TAP1: variants seen among roughly 807,000 people sequenced by gnomAD.
The protein encoded by TAP1 is transporter 1, ATP binding cassette subfamily B member.
TAP1 carries 56 observed loss-of-function variants against 79.3 expected under a neutral mutation model. The observed-to-expected ratio is 0.71, with a 90% CI of 0.57 to 0.88. The LOEUF is 0.88. Ranked by LOEUF, TAP1 falls within the 40% of genes least tolerant of loss-of-function variation. The pLI is 0.00. For synonymous variants in TAP1, 355 were observed against 401.4 expected (o/e 0.88, Z 1.38); for missense variants, 737 against 936.3 (o/e 0.79, Z 2.78).
chr6:32,850,795 C>T lies in TAP1; in HGVS notation c.1050+149G>A. The stretch of plus-strand genomic sequence containing the variant: ...AGGTTAATGTTGAGCAACCTGGGAA[C>T]ATGGACCACAGGGACAGGGTGTTCC... On this transcript the variant is annotated intron_variant, in intron 4 of 10. Transcript: ENST00000354258. This position sits in a 1 kb window ranked among gnomAD's most constrained non-coding sequence, Gnocchi z 5.5. 1 of 834,776 alleles carries T rather than the reference C, an allele frequency of 1.2e-6. No individual in the cohort carries two copies. The highest frequency in any genetic ancestry group is 2.0e-6 in the Non-Finnish European group (1 of 491,322). The allele number at this position is 834,776 out of a possible 1,614,324, so 51.7% of individuals were successfully genotyped here. A position where few individuals can be genotyped will look rare whatever the true frequency, so the allele number is the denominator to read the frequency against.
At chr6:32,848,189 G>T (rs17213819) in intron 7 of TAP1, 97 bp from the exon 8 acceptor site, 1 of 1,450,016 alleles carries the variant, frequency 6.9e-7, no homozygotes, top group Non-Finnish European at 9.4e-7. Flanking sequence ...TACCCCAGAA[G>T]AAAAACAGGG....
chr6:32,846,546 G>A (rs909910701), intron 10 of TAP1: 9 of 215,230 alleles, frequency 4.2e-5, no homozygotes, highest in Non-Finnish European at 7.6e-5. Flanking sequence ...AGGACTGGGC[G>A]CAGTGGCTCA....
intron 10 of TAP1, among the ~76,000 whole-genome samples, chr6:32,846,711 C>T (rs757245107): frequency 8.6e-5 from 13 of 151,538 alleles, no homozygotes; most frequent in Non-Finnish European, 1.9e-4. Context: ...CCCAGCTACT[C>T]GGGAGGCTGA....
chr6:32,852,909 A>G lies in TAP1; in HGVS notation c.598+130T>C. The G allele has an allele frequency of 4.1e-6, 6 of 1,467,456 alleles. No individual in the cohort carries two copies. In the South Asian group the frequency reaches 8.1e-5, roughly 20 times the overall value. 90.9% of individuals were successfully genotyped at this position (1,467,456 alleles called of 1,614,324 possible). On this transcript the variant is annotated intron_variant, in intron 1 of 10. Coordinates refer to ENST00000354258, the MANE Select transcript of TAP1 (RefSeq NM_000593.6). This position sits in a 1 kb window ranked among gnomAD's most constrained non-coding sequence, Gnocchi z 4.8. Reference sequence around the variant, plus strand: ...TTCTACACCGAAGTGGTGTTCCAAGACCCACGCTAGGAGTCCTTCTCCTGC... The same window carrying G: ...TTCTACACCGAAGTGGTGTTCCAAGGCCCACGCTAGGAGTCCTTCTCCTGC...
At chr6:32,848,534 C>A in intron 7 of TAP1, 118 bp downstream of exon 7, 1 of 1,171,166 alleles carries the variant, frequency 8.5e-7, no homozygotes, top group Non-Finnish European at 1.3e-6. Context: ...CTACCATTGC[C>A]TTTAAAGGGT....
Position 32,853,023 on chromosome 6 carries a change from C to A in TAP1, c.598+16G>T, listed in dbSNP as rs1770889686. ...GTCCCCTTGTGTCCTCCCCTCTTGC[C>A]CTGCGTTCCCCTTACCAAGAGAGGA... is the stretch of plus-strand genomic sequence containing the variant. On this transcript the variant is annotated intron_variant, in intron 1 of 10. Transcript: ENST00000354258. The surrounding 1 kb of genome is among the most constrained non-coding windows in gnomAD (Gnocchi z 8.3). 1 of 1,609,030 alleles carries A rather than the reference C, an allele frequency of 6.2e-7. No homozygotes were observed. The highest frequency in any genetic ancestry group is 1.3e-5 in the African/African-American group (1 of 74,922).
At position 32,853,000 on chromosome 6, in the gene TAP1, C is replaced by G. The variant is rs1770887356; in HGVS notation, c.598+39G>C. 1 of 1,583,300 alleles carries G rather than the reference C, an allele frequency of 6.3e-7. No homozygotes were observed. On this transcript the variant is annotated intron_variant, in intron 1 of 10. Coordinates refer to ENST00000354258, the MANE Select transcript of TAP1 (RefSeq NM_000593.6). The surrounding 1 kb of genome is among the most constrained non-coding windows in gnomAD (Gnocchi z 4.8). ...AATTACCTTTGATTCCTGTCCCAGT[C>G]CCCTTGTGTCCTCCCCTCTTGCCCT...
chr6:32,846,967 G>A (rs1770460136), intron 10 of TAP1, 101 bp downstream of exon 10: 13 of 1,566,766 alleles, frequency 8.3e-6, no homozygotes, highest in Non-Finnish European at 1.1e-5. Context: ...AGAACTGCAA[G>A]GACTGGTTTG....
chr6:32,848,011 G>A lies in TAP1; in HGVS notation c.1648C>T (p.Leu550=), dbSNP rs776084905. The A allele has an allele frequency of 1.2e-6, 2 of 1,613,096 alleles. No homozygotes were observed. The highest frequency in any genetic ancestry group is 1.7e-6 in the Non-Finnish European group (2 of 1,180,032). Reference sequence around the variant, plus strand: ...GTGGGCTGGTACAGATTCTGCAGCAGGGCAGCCACTGTGCTCTTCCCAGAC... The same window carrying A: ...GTGGGCTGGTACAGATTCTGCAGCAAGGCAGCCACTGTGCTCTTCCCAGAC... ...NGSGKSTVAA[L]LQNLYQPTGG... Residue 550 remains leucine, a synonymous_variant, in exon 8 of 11, where the codon CTG becomes TTG. Transcript: ENST00000354258.
At chr6:32,848,934 T>A in intron 6 of TAP1, 56 bp downstream of exon 6, 1 of 1,612,636 alleles carries the variant, frequency 6.2e-7, no homozygotes, top group South Asian at 1.1e-5. Context: ...ATCACACAGA[T>A]GGTGCTGGGC....
chr6:32,850,175 G>T lies in TAP1; in HGVS notation c.1248+145C>A. 4 of 814,748 alleles carry T rather than the reference G, an allele frequency of 4.9e-6. No individual in the cohort carries two copies. The highest frequency in any genetic ancestry group is 8.3e-6 in the Non-Finnish European group (4 of 481,498). 50.5% of individuals were successfully genotyped at this position (814,748 alleles called of 1,614,324 possible). ...GAGGGGGCTAGGGACACTGAGTAGA[G>T]TCATTGAGCCTCAGGTTGCTAGGAC... On this transcript the variant is annotated intron_variant, in intron 5 of 10. Transcript: ENST00000354258. The surrounding 1 kb of genome is among the most constrained non-coding windows in gnomAD (Gnocchi z 5.5).
In TAP1 at chr6:32,850,398, A is replaced by C; in HGVS notation, c.1170T>G (p.Phe390Leu). 3 of 1,614,232 alleles carry C rather than the reference A, an allele frequency of 1.9e-6. No homozygotes were observed. The highest frequency in any genetic ancestry group is 2.5e-6 in the Non-Finnish European group (3 of 1,180,048). The change falls in exon 5 of 11, where the codon TTT (phenylalanine) becomes TTG (leucine). Residue 390 changes from phenylalanine to leucine, a missense_variant. Physicochemically the swap from Phe to Leu is conservative, Grantham distance 22. Around this residue, in one of 5 missense-constraint regions of TAP1, gnomAD observed 406 missense variants for 477.2 expected, o/e 0.85. Transcript: ENST00000354258. The surrounding 1 kb of genome is among the most constrained non-coding windows in gnomAD (Gnocchi z 5.5). ...TCTTTATTTCTTGCAGCTTTTCCCT[A>C]AACTTCTGGGCTTCGCCCTCCTCGT... is the stretch of plus-strand genomic sequence containing the variant. ...FANEEGEAQK[F>L]REKLQEIKTL... is the part of the protein sequence containing the mutation.
At chr6:32,848,159 T>C in intron 7 of TAP1, 67 bp from the exon 8 acceptor site, 3 of 1,535,338 alleles carry the variant, frequency 2.0e-6, no homozygotes, top group Non-Finnish European at 1.8e-6. Context: ...GTCATTGCCT[T>C]GTTACATAGC....
In TAP1 at chr6:32,853,582, A is replaced by G. The variant is rs1433391906; in HGVS notation, c.55T>C (p.Ser19Pro). The G allele has an allele frequency of 6.2e-7, 1 of 1,612,600 alleles. No individual in the cohort carries two copies. ...PRGCRCLPGA[S>P]LAWLGTVLLL... ...AGTACTGTCCCCAGCCATGCGAGAGAAGCTCCGGGGAGGCAGCGGCACCCG... is the reference window on the plus strand; with the variant it reads ...AGTACTGTCCCCAGCCATGCGAGAGGAGCTCCGGGGAGGCAGCGGCACCCG... Residue 19 changes from serine to proline, a missense_variant, in exon 1 of 11, where the codon TCT becomes CCT. By Grantham distance (74) the Ser-to-Pro change is moderately conservative. This residue lies in a region of TAP1 where 45 missense variants were observed against 60.2 expected (regional missense o/e 0.75). Transcript: ENST00000354258. The surrounding 1 kb of genome is among the most constrained non-coding windows in gnomAD (Gnocchi z 8.3).
rs779844691 is a variant in TAP1 at position 32,850,448 on chromosome 6, T to C, written c.1120A>G (p.Met374Val). The stretch of plus-strand genomic sequence containing the variant: ...TTGGCAAAGCTTCGAACTGTAGGCA[T>C]GGCCGACAGAGCCTCAATGGCCACC... ...SQVAIEALSA[M>V]PTVRSFANEE... The change falls in exon 5 of 11, where the codon ATG becomes GTG. Residue 374 changes from methionine (M) to valine (V), a missense_variant. Coordinates refer to ENST00000354258, the MANE Select transcript of TAP1 (RefSeq NM_000593.6). This position sits in a 1 kb window ranked among gnomAD's most constrained non-coding sequence, Gnocchi z 5.5. The C allele has an allele frequency of 1.2e-6, 2 of 1,614,130 alleles. No homozygotes were observed. The highest frequency in any genetic ancestry group is 1.7e-5 in the Admixed American group (1 of 60,016).
chr6:32,845,483 T>C lies in TAP1; in HGVS notation c.*96A>G. On this transcript the variant is annotated 3_prime_UTR_variant, in exon 11 of 11. Transcript: ENST00000354258. The surrounding 1 kb of genome is among the most constrained non-coding windows in gnomAD (Gnocchi z 4.5). ...ACACTCAAGGCAAATTTCAAGTAAC[T>C]CATCCTGGAGGCAGCTGCCTACTCT... The C allele has an allele frequency of 7.4e-7, 1 of 1,358,442 alleles. No homozygotes were observed. The highest frequency in any genetic ancestry group is 1.0e-6 in the Non-Finnish European group (1 of 959,348). The allele number at this position is 1,358,442 out of a possible 1,614,324, so 84.1% of individuals were successfully genotyped here.
intron 7 of TAP1, 99 bp from the exon 8 acceptor site, chr6:32,848,191 A>C: frequency 6.9e-7 from 1 of 1,452,038 alleles, no homozygotes; most frequent in African/African-American, 1.4e-5. Context: ...CCCCAGAAGA[A>C]AAACAGGGAA....
intron 7 of TAP1, chr6:32,848,372 G>C: frequency 1.6e-6 from 1 of 621,912 alleles, no homozygotes; most frequent in South Asian, 2.0e-5. Flanking sequence ...AATTACAAAG[G>C]AAAAGGAAAG....
rs1770814540 is a variant in TAP1, at chr6:32,852,028, A to AGC, written c.844+79_844+80dup. The AGC allele has an allele frequency of 6.3e-7, 1 of 1,579,736 alleles. No individual in the cohort carries two copies. Among genetic ancestry groups the AGC allele is most frequent in the Non-Finnish European group, 8.7e-7 (1 of 1,153,244 alleles). Reference sequence around the variant, plus strand: ...GTGTATGTGTGTGTGAGAGAGAGAGAGCGGGGAGGGGGGAGATCAAAGCAG... The same window carrying AGC: ...GTGTATGTGTGTGTGAGAGAGAGAGAGCGCGGGGAGGGGGGAGATCAAAGCAG... On this transcript the variant is annotated intron_variant, in intron 3 of 10. Transcript: ENST00000354258. This position sits in a 1 kb window ranked among gnomAD's most constrained non-coding sequence, Gnocchi z 4.8.
Sources: allele counts gnomAD v4.1 joint callset (sites outside exome capture counted in the v4.1 genomes callset), GRCh38; gene constraint gnomAD v4.1.1; regional missense constraint gnomAD v4.1.1; non-coding constraint Gnocchi (gnomAD v3.1); transcripts MANE v1.5; gene names NCBI Gene and HGNC (gene_info 2026-07-23, HGNC 2026-07-21).